Variants in CPNE2 observed in about 807,000 individuals in gnomAD.
CPNE2 encodes the protein copine 2, also known as copine-2.
A neutral mutation model predicts 69.7 loss-of-function variants in CPNE2; 42 were observed. That is an observed-to-expected ratio of 0.60 (90% CI 0.47 to 0.78). The LOEUF is 0.78. Among genes scored for constraint, CPNE2 ranks in the 30% least tolerant of loss-of-function variants. The pLI, the probability that CPNE2 is intolerant of heterozygous loss-of-function variation, is 0.00. For synonymous variants in CPNE2, 294 were observed against 289.8 expected, an observed-to-expected ratio of 1.01 and a Z score of -0.15; for missense variants, 587 against 732.0, an observed-to-expected ratio of 0.80 and a Z score of 2.29.
At position 57,115,541 on chromosome 16, in the gene CPNE2, C is replaced by A. The variant is rs572404586; in HGVS notation, c.426C>A (p.Gly142=). 1.2e-6 allele frequency: 2 copies of A among 1,611,708 alleles called. No homozygotes were observed. The highest frequency in any genetic ancestry group is 2.2e-5 in the South Asian group (2 of 90,792). The part of the protein sequence containing the change: ...LLLNDKPAGK[G]LITIAAQELS... ...TGAATGACAAGCCTGCGGGGAAGGG[C>A]TTGATTACGGTACCAGTCCCCTCCC... is the stretch of plus-strand genomic sequence containing the variant. Residue 142 remains glycine (G), a synonymous_variant, in exon 4 of 16, where the codon GGC becomes GGA. Transcript: ENST00000290776.
intron 5 of CPNE2, among the ~76,000 whole-genome samples, chr16:57,117,904 G>A (rs562317305): frequency 7.2e-5 from 11 of 152,020 alleles, no homozygotes; most frequent in East Asian, 1.9e-4. Flanking sequence ...CCTCCTCCCC[G>A]CACCTCACTC....
intron 1 of CPNE2, among the ~76,000 whole-genome samples, chr16:57,093,780 G>A (rs540029310): frequency 2.0e-5 from 3 of 152,340 alleles, no homozygotes; most frequent in South Asian, 2.1e-4. Flanking sequence ...GTCATCAAAG[G>A]TTGGGGGGCT....
chr16:57,125,337 G>A (rs545030316), intron 10 of CPNE2: 53 of 456,100 alleles, frequency 1.2e-4, no homozygotes, highest in African/African-American at 9.6e-4. Flanking sequence ...TCGGGGAGAC[G>A]GGCACTGCTC....
chr16:57,127,784 T>C, intron 11 of CPNE2, 65 bp from the exon 12 acceptor site: 1 of 1,541,232 alleles, frequency 6.5e-7, no homozygotes, highest in Non-Finnish European at 8.9e-7. Context: ...GGCCCAGCCC[T>C]GGGCAGAGGG....
At chr16:57,121,400 G>A (rs1371773644) in intron 8 of CPNE2, among the ~76,000 whole-genome samples, 4 of 152,214 alleles carry the variant, frequency 2.6e-5, no homozygotes, top group Admixed American at 6.5e-5. Context: ...CAGGCGAAGT[G>A]CCCAGCATAT....
At position 57,137,203 on chromosome 16, in the gene CPNE2, A is replaced by G. The variant is rs1446699691; in HGVS notation, c.1223A>G (p.Tyr408Cys). ...YSACLPHIRF[Y>C]GPTNFSPIVN... ...GCTTGCCTGCCCCACATCCGCTTCT[A>G]CGGTCCTACCAATTTCTCCCCCATC... is the stretch of plus-strand genomic sequence containing the variant. The change falls in exon 14 of 16, where the codon TAC becomes TGC. Residue 408 changes from tyrosine to cysteine, a missense_variant. Coordinates refer to ENST00000290776, the MANE Select transcript of CPNE2 (RefSeq NM_152727.6). 3 of 1,614,084 alleles carry G rather than the reference A, an allele frequency of 1.9e-6. No homozygotes were observed. The highest frequency in any genetic ancestry group is 1.7e-5 in the Admixed American group (1 of 60,004).
At chr16:57,115,613 A>C in intron 4 of CPNE2, 63 bp downstream of exon 4, 12 of 1,163,178 alleles carry the variant, frequency 1.0e-5, no homozygotes, top group East Asian at 2.6e-5. Flanking sequence ...TCCCCCATCA[A>C]TGGGCCGCTT....
intron 8 of CPNE2, 148 bp from the exon 9 acceptor site, chr16:57,121,525 AT>A (rs1315721935): frequency 9.1e-6 from 7 of 766,398 alleles, no homozygotes; most frequent in Non-Finnish European, 1.6e-5. Flanking sequence ...TCCTGCTACC[AT>A]TTTTGGGTGT....
At chr16:57,106,883 C>T (rs1208703116) in intron 1 of CPNE2, among the ~76,000 whole-genome samples, 1 of 152,214 alleles carries the variant, frequency 6.6e-6, no homozygotes, top group African/African-American at 2.4e-5. Flanking sequence ...TCAGGCTCCC[C>T]TGGCCTGGCT....
intron 1 of CPNE2, among the ~76,000 whole-genome samples, chr16:57,103,295 T>C (rs2069627105): frequency 6.6e-6 from 1 of 152,054 alleles, no homozygotes; most frequent in Admixed American, 6.6e-5. Context: ...TTTTTTATTT[T>C]TTATTTTTGT....
chr16:57,094,117 G>T, intron 1 of CPNE2: 1 of 456,436 alleles, frequency 2.2e-6, no homozygotes, highest in African/African-American at 2.0e-5. Flanking sequence ...GCCCCAGCCA[G>T]CTGGATTGGA....
At chr16:57,125,605 G>A in intron 10 of CPNE2, 1 of 529,022 alleles carries the variant, frequency 1.9e-6, no homozygotes, top group South Asian at 2.0e-5. Flanking sequence ...AGGAATCTGG[G>A]ACTGTACGTT....
intron 2 of CPNE2, among the ~76,000 whole-genome samples, chr16:57,111,928 T>A (rs2069684088): frequency 6.6e-6 from 1 of 152,234 alleles, no homozygotes; most frequent in Non-Finnish European, 1.5e-5. Flanking sequence ...AGAATCCAGA[T>A]AAACCTAAAG....
intron 15 of CPNE2, 109 bp from the exon 16 acceptor site, chr16:57,147,442 C>A: frequency 1.3e-6 from 1 of 742,096 alleles, no homozygotes; most frequent in Non-Finnish European, 2.1e-6. Context: ...TAATTTTGTC[C>A]TCAATGGACA....
intron 7 of CPNE2, among the ~76,000 whole-genome samples, 181 bp from the exon 8 acceptor site, chr16:57,120,912 C>T (rs1236814408): frequency 6.6e-6 from 1 of 152,084 alleles, no homozygotes; most frequent in Non-Finnish European, 1.5e-5. Context: ...TCTCCTTTTC[C>T]CAGCAATCAC....
chr16:57,145,650 G>A (rs563071087), intron 14 of CPNE2: 11 of 212,722 alleles, frequency 5.2e-5, no homozygotes, highest in Non-Finnish European at 9.6e-5. Context: ...TGGGCCTGTC[G>A]GGAATGCAGC....
At chr16:57,123,357 C>T (rs2069776616) in intron 9 of CPNE2, 57 bp from the exon 10 acceptor site, 7 of 1,576,586 alleles carry the variant, frequency 4.4e-6, no homozygotes, top group Non-Finnish European at 6.1e-6. Flanking sequence ...CAACAACTCC[C>T]CCATGGGGAG....
chr16:57,116,116 G>A (rs1454321611), intron 4 of CPNE2, among the ~76,000 whole-genome samples: 1 of 152,120 alleles, frequency 6.6e-6, no homozygotes, highest in Non-Finnish European at 1.5e-5. Context: ...GCCTTTGTGT[G>A]TTCCCGTGTG....
At chr16:57,133,250 A>C (rs2069851380) in intron 12 of CPNE2, among the ~76,000 whole-genome samples, 1 of 152,154 alleles carries the variant, frequency 6.6e-6, no homozygotes, top group Non-Finnish European at 1.5e-5. Flanking sequence ...GAGGGACACC[A>C]GGGGACTGGC....
Sources: gnomAD v4.1 joint callset for allele counts (sites outside exome capture counted in the v4.1 genomes callset) on GRCh38, gnomAD v4.1.1 for gene constraint, MANE v1.5 for transcripts, NCBI Gene and HGNC (gene_info 2026-07-23, HGNC 2026-07-21) for gene names.